RALYL: variants seen among roughly 807,000 people sequenced by gnomAD.
RALYL encodes the protein RNA-binding Raly-like protein.
Under a neutral mutation model 35.1 loss-of-function variants are expected in RALYL, and 29 were observed. That is an observed-to-expected ratio of 0.83 (90% CI 0.61 to 1.13). The LOEUF is 1.13. Ranked by LOEUF, RALYL falls within the 50% of genes most tolerant of loss-of-function variation. The probability of loss-of-function intolerance (pLI) is 0.00; values close to 1 mark genes in which losing one functional copy is unlikely to be tolerated. For synonymous variants in RALYL, 120 were observed against 127.6 expected, an observed-to-expected ratio of 0.94 and a Z score of 0.40; for missense variants, 359 against 360.4, an observed-to-expected ratio of 1.00 and a Z score of 0.03.
intron 2 of RALYL, among the ~76,000 whole-genome samples, chr8:84,694,350 C>G (rs1838703050): frequency 6.6e-6 from 1 of 151,650 alleles, no homozygotes; most frequent in Non-Finnish European, 1.5e-5. Context: ...ATTAAGAAAA[C>G]AATCTCGTTT....
chr8:84,866,721 T>G (rs1266869205), intron 6 of RALYL, among the ~76,000 whole-genome samples: 1 of 152,080 alleles, frequency 6.6e-6, no homozygotes, highest in Non-Finnish European at 1.5e-5. Flanking sequence ...ACTGTGACAG[T>G]AAAAATAATA....
intron 8 of RALYL, among the ~76,000 whole-genome samples, chr8:84,890,196 A>T (rs1272068413): frequency 6.6e-6 from 1 of 152,138 alleles, no homozygotes; most frequent in African/African-American, 2.4e-5. Context: ...AAGAGAAAAG[A>T]TCCCCAATGC....
chr8:84,477,394 ATATT>A (rs1373521910), intron 1 of RALYL, among the ~76,000 whole-genome samples: 1 of 149,612 alleles, frequency 6.7e-6, no homozygotes, highest in African/African-American at 2.4e-5. Flanking sequence ...ATATAAATAT[ATATT>A]TATTTATTGA....
chr8:84,313,503 C>G (rs1000620448), intron 1 of RALYL, among the ~76,000 whole-genome samples: 1 of 152,152 alleles, frequency 6.6e-6, no homozygotes, highest in Non-Finnish European at 1.5e-5. Context: ...TCTTTGTGAA[C>G]ACATATAACC....
chr8:84,398,819 C>G (rs561744951), intron 1 of RALYL, among the ~76,000 whole-genome samples: 1 of 151,946 alleles, frequency 6.6e-6, no homozygotes, highest in African/African-American at 2.4e-5. Flanking sequence ...ACTAAAAATA[C>G]AAAAATTAGC....
chr8:84,815,350 C>A (rs1586497944), intron 4 of RALYL, among the ~76,000 whole-genome samples: 1 of 148,470 alleles, frequency 6.7e-6, no homozygotes, highest in East Asian at 2.0e-4. Flanking sequence ...TAATAAATGT[C>A]TATTTTTTAA....
At chr8:84,902,649 G>C (rs1845888332) in intron 8 of RALYL, among the ~76,000 whole-genome samples, 1 of 152,098 alleles carries the variant, frequency 6.6e-6, no homozygotes, top group Admixed American at 6.6e-5. Context: ...TTTTATAATG[G>C]AGAAAATCGT....
chr8:84,757,565 C>T (rs1013404561), intron 2 of RALYL, among the ~76,000 whole-genome samples: 2 of 152,112 alleles, frequency 1.3e-5, no homozygotes, highest in African/African-American at 4.8e-5. Context: ...TGTACTAACA[C>T]TTCCATTTAA....
At chr8:84,704,053 C>T (rs1034906013) in intron 2 of RALYL, among the ~76,000 whole-genome samples, 1 of 152,158 alleles carries the variant, frequency 6.6e-6, no homozygotes, top group African/African-American at 2.4e-5. Context: ...AGTCAATAAA[C>T]ATGAATTGGC....
At chr8:84,449,651 G>C (rs554503731) in intron 1 of RALYL, among the ~76,000 whole-genome samples, 4 of 151,946 alleles carry the variant, frequency 2.6e-5, no homozygotes, top group African/African-American at 9.7e-5. Context: ...CAGAGCCAAT[G>C]CATTTTCATA....
intron 2 of RALYL, among the ~76,000 whole-genome samples, chr8:84,704,985 G>A (rs907792912): frequency 6.6e-6 from 1 of 152,082 alleles, no homozygotes; most frequent in African/African-American, 2.4e-5. Flanking sequence ...TACATAACAA[G>A]GAAGTCTTAT....
At chr8:84,311,566 T>C (rs1425339796) in intron 1 of RALYL, among the ~76,000 whole-genome samples, 1 of 152,162 alleles carries the variant, frequency 6.6e-6, no homozygotes, top group Non-Finnish European at 1.5e-5. Context: ...TCTATGGACA[T>C]GGAAGACTGA....
chr8:84,671,556 C>T (rs1317708826), intron 2 of RALYL, among the ~76,000 whole-genome samples: 2 of 152,168 alleles, frequency 1.3e-5, no homozygotes, highest in Non-Finnish European at 2.9e-5. Flanking sequence ...GCAGAGGCTC[C>T]CAAACTTCAA....
At chr8:84,585,696 G>A (rs1328310146) in intron 2 of RALYL, among the ~76,000 whole-genome samples, 2 of 152,130 alleles carry the variant, frequency 1.3e-5, no homozygotes, top group East Asian at 1.9e-4. Context: ...ATCCCAAAAT[G>A]CCCTTTTTTT....
At chr8:84,820,127 C>A (rs1467018778) in intron 4 of RALYL, among the ~76,000 whole-genome samples, 1 of 152,104 alleles carries the variant, frequency 6.6e-6, no homozygotes. Flanking sequence ...GGCTGTGTTT[C>A]TAAGATAAAA....
intron 2 of RALYL, among the ~76,000 whole-genome samples, chr8:84,630,731 T>C (rs1327851933): frequency 1.3e-5 from 2 of 152,060 alleles, no homozygotes; most frequent in African/African-American, 2.4e-5. Flanking sequence ...CTGTATTCCC[T>C]GTGCCCAGCT....
At chr8:84,278,621 C>T (rs979315229) in intron 1 of RALYL, among the ~76,000 whole-genome samples, 1 of 152,134 alleles carries the variant, frequency 6.6e-6, no homozygotes, top group Non-Finnish European at 1.5e-5. Context: ...TACCAGATAC[C>T]CTAAATCGTC....
At chr8:84,519,729 C>A (rs2058321023) in intron 1 of RALYL, among the ~76,000 whole-genome samples, 2 of 152,158 alleles carry the variant, frequency 1.3e-5, no homozygotes, top group Non-Finnish European at 2.9e-5. Flanking sequence ...TTAGCAATGT[C>A]TACAACAGGC....
At chr8:84,525,104 C>T (rs1269657241) in intron 1 of RALYL, among the ~76,000 whole-genome samples, 2 of 147,352 alleles carry the variant, frequency 1.4e-5, no homozygotes, top group African/African-American at 5.0e-5. Flanking sequence ...GTTCAAAAGT[C>T]ACATGTGGTT....
Sources: allele counts gnomAD v4.1 joint callset (sites outside exome capture counted in the v4.1 genomes callset), GRCh38; gene constraint gnomAD v4.1.1; transcripts MANE v1.5; gene names NCBI Gene and HGNC (gene_info 2026-07-23, HGNC 2026-07-21).